HTR1F: variants seen among roughly 807,000 people sequenced by gnomAD.
HTR1F encodes the protein 5-hydroxytryptamine receptor 1F.
A neutral mutation model predicts 24.0 loss-of-function variants in HTR1F; 17 were observed. That is an observed-to-expected ratio of 0.71 (90% CI 0.48 to 1.06). The LOEUF (loss-of-function observed/expected upper bound fraction) is 1.06. HTR1F is among the 50% of genes least tolerant of loss of function. The pLI is 0.00. For synonymous variants in HTR1F, 186 were observed against 156.8 expected, an observed-to-expected ratio of 1.19 and a Z score of -1.39; for missense variants, 391 against 427.8, an observed-to-expected ratio of 0.91 and a Z score of 0.76.
intron 2 of HTR1F, among the ~76,000 whole-genome samples, chr3:87,881,267 CAGG>C (rs1380768125): frequency 6.6e-6 from 1 of 152,200 alleles, no homozygotes; most frequent in Non-Finnish European, 1.5e-5. Flanking sequence ...AACGGCACAC[CAGG>C]AGATTATGTC....
chr3:87,959,611 A>T (rs1705017962), intron 2 of HTR1F, among the ~76,000 whole-genome samples: 1 of 151,948 alleles, frequency 6.6e-6, no homozygotes, highest in African/African-American at 2.4e-5. Flanking sequence ...ACCTCCAACA[A>T]TGTCAATATC....
chr3:87,821,937 G>T (rs1232919284), intron 1 of HTR1F, among the ~76,000 whole-genome samples, 71 bp from the exon 2 acceptor site: 1 of 152,108 alleles, frequency 6.6e-6, no homozygotes, highest in African/African-American at 2.4e-5. Flanking sequence ...ATCAGCCAGG[G>T]TATATTACGG....
chr3:87,869,944 T>C (rs1017989213), intron 2 of HTR1F, among the ~76,000 whole-genome samples: 2 of 152,122 alleles, frequency 1.3e-5, no homozygotes, highest in Non-Finnish European at 2.9e-5. Context: ...TCACATTTGA[T>C]AAAATAAGAT....
chr3:87,950,071 C>T (rs903243386), intron 2 of HTR1F, among the ~76,000 whole-genome samples: 2 of 152,120 alleles, frequency 1.3e-5, no homozygotes, highest in Admixed American at 1.3e-4. Flanking sequence ...TGAGGCACAC[C>T]CTACCTTTGT....
intron 2 of HTR1F, among the ~76,000 whole-genome samples, chr3:87,891,071 C>T (rs896743003): frequency 6.6e-6 from 1 of 152,058 alleles, no homozygotes; most frequent in African/African-American, 2.4e-5. Context: ...GAACTCCTGA[C>T]CTCAGGTGAT....
chr3:87,811,052 G>T (rs925306043), intron 1 of HTR1F, among the ~76,000 whole-genome samples: 13 of 152,180 alleles, frequency 8.5e-5, no homozygotes, highest in African/African-American at 3.1e-4. Context: ...AAGTAATCCT[G>T]ATTTCAGATA....
intron 1 of HTR1F, among the ~76,000 whole-genome samples, chr3:87,810,223 C>T (rs181238974): frequency 8.5e-4 from 130 of 152,208 alleles, no homozygotes; most frequent in African/African-American, 3.1e-3. Flanking sequence ...GTAGGTCATG[C>T]TTTGAATTCC....
At chr3:87,830,823 A>T (rs1469386319) in intron 2 of HTR1F, among the ~76,000 whole-genome samples, 1 of 152,238 alleles carries the variant, frequency 6.6e-6, no homozygotes, top group East Asian at 1.9e-4. Context: ...CAGAGATTTA[A>T]AGTCAAATAA....
chr3:87,860,259 G>A (rs544734001), intron 2 of HTR1F, among the ~76,000 whole-genome samples: 2 of 152,116 alleles, frequency 1.3e-5, no homozygotes, highest in East Asian at 1.9e-4. Context: ...TTTCTAGATC[G>A]GAAGCAATAA....
chr3:87,866,819 C>T (rs2938273), intron 2 of HTR1F, among the ~76,000 whole-genome samples: 18,545 of 96,006 alleles, frequency 0.19, 1,356 homozygotes, highest in African/African-American at 0.34. Flanking sequence ...AGTGTGCGTG[C>T]GTGTGTGTGT....
At chr3:87,936,200 T>C (rs533645487) in intron 2 of HTR1F, among the ~76,000 whole-genome samples, 5 of 152,284 alleles carry the variant, frequency 3.3e-5, no homozygotes, top group African/African-American at 1.2e-4. Flanking sequence ...TATCACACAC[T>C]CCAAATAATA....
At chr3:87,912,938 T>C (rs1703812421) in intron 2 of HTR1F, among the ~76,000 whole-genome samples, 1 of 152,062 alleles carries the variant, frequency 6.6e-6, no homozygotes, top group Admixed American at 6.6e-5. Flanking sequence ...AAAAATCAAC[T>C]CAAGATGGAT....
chr3:87,873,863 T>C (rs1705612460), intron 2 of HTR1F, among the ~76,000 whole-genome samples: 1 of 151,992 alleles, frequency 6.6e-6, no homozygotes, highest in South Asian at 2.1e-4. Context: ...ACATTAACAG[T>C]AAGGACAAAA....
Position 87,839,024 on chromosome 3 carries a change from AT to A in HTR1F, c.-43+16912del, listed in dbSNP as rs1372260151. On this transcript the variant is annotated intron_variant, in intron 2 of 2. Coordinates refer to ENST00000319595, the MANE Select transcript of HTR1F (RefSeq NM_001322209.2). ...ATTTATTTATTTTATTTTTATTTTT[AT>A]TTTTTTTTTTTGCTGTCTAGAAGCC... Among the ~76,000 whole-genome samples the A allele has an allele frequency of 1.4e-3, 176 of 124,668 alleles. 1 individual carries two copies. Among genetic ancestry groups the A allele is most frequent in the Middle Eastern group, 4.5e-3 (1 of 224 alleles). The allele number at this position is 124,668 out of a possible 152,430, so 81.8% of individuals were successfully genotyped here.
intron 2 of HTR1F, among the ~76,000 whole-genome samples, chr3:87,990,444 G>A (rs1033279891): frequency 5.3e-5 from 8 of 152,100 alleles, no homozygotes; most frequent in Non-Finnish European, 1.0e-4. Context: ...ATTTCACTGA[G>A]TAACAAGCTA....
At chr3:87,836,848 T>G (rs1704693315) in intron 2 of HTR1F, among the ~76,000 whole-genome samples, 1 of 152,112 alleles carries the variant, frequency 6.6e-6, no homozygotes, top group Non-Finnish European at 1.5e-5. Context: ...TTTTTGTACT[T>G]CAGTATTTAC....
intron 2 of HTR1F, chr3:87,910,103 C>G (rs927326525): frequency 4.6e-5 from 7 of 151,808 alleles, no homozygotes; most frequent in African/African-American, 1.7e-4. Flanking sequence ...CCTTCTTATT[C>G]TTCATATACA....
chr3:87,838,646 T>C (rs888181444), intron 2 of HTR1F, among the ~76,000 whole-genome samples: 1 of 152,114 alleles, frequency 6.6e-6, no homozygotes, highest in Non-Finnish European at 1.5e-5. Context: ...TGTTGCAATA[T>C]CCACTCAATA....
Position 87,884,204 on chromosome 3 carries a change from A to G in HTR1F, c.-43+62080A>G, listed in dbSNP as rs111809091. Among the ~76,000 whole-genome samples the G allele has an allele frequency of 2.0e-4, 30 of 152,326 alleles. 1 individual carries two copies. The highest frequency in any genetic ancestry group is 7.2e-4 in the African/African-American group (30 of 41,566). On this transcript the variant is annotated intron_variant, in intron 2 of 2. Transcript: ENST00000319595. Reference sequence around the variant, plus strand: ...GGGCCAATACTCAACATTCTTAAAGAAAAGAATTTTCACCCAGAATTTTAT... The same window carrying G: ...GGGCCAATACTCAACATTCTTAAAGGAAAGAATTTTCACCCAGAATTTTAT...
Sources: gnomAD v4.1 joint callset for allele counts (sites outside exome capture counted in the v4.1 genomes callset) on GRCh38, gnomAD v4.1.1 for gene constraint, MANE v1.5 for transcripts, NCBI Gene and HGNC (gene_info 2026-07-23, HGNC 2026-07-21) for gene names.